TENM3: variants seen among roughly 807,000 people sequenced by gnomAD.
TENM3 encodes teneurin-3.
A neutral mutation model predicts 255.1 loss-of-function variants in TENM3; 63 were observed. That is an observed-to-expected ratio of 0.25 (90% CI 0.20 to 0.30). TENM3 has a LOEUF of 0.30. Ranked by LOEUF, TENM3 falls within the 10% of genes least tolerant of loss-of-function variation. The pLI is 1.00. For synonymous variants in TENM3, 1,306 were observed against 1,322.3 expected (o/e 0.99, Z 0.27); for missense variants, 2,929 against 3,461.1 (o/e 0.85, Z 3.86).
At chr4:181,642,576 T>C in the TENM3 span, among the ~76,000 whole-genome samples, 9 of 151,958 alleles carry the variant, frequency 5.9e-5, no homozygotes, top group African/African-American at 2.2e-4. Flanking sequence ...ATTGCCTAGG[T>C]TTTCTTCTAG....
chr4:181,868,378 A>G, the TENM3 span, among the ~76,000 whole-genome samples: 1 of 152,138 alleles, frequency 6.6e-6, no homozygotes, highest in African/African-American at 2.4e-5. Context: ...TGAAGGCCTT[A>G]AAAAAGACGA....
At chr4:182,357,288 G>A (rs374476369) in intron 3 of TENM3, among the ~76,000 whole-genome samples, 2,909 of 151,212 alleles carry the variant, frequency 0.019, 65 homozygotes, top group South Asian at 0.045. Flanking sequence ...CTGAGGAATC[G>A]CCACACTGAC....
chr4:181,679,953 G>T, the TENM3 span, among the ~76,000 whole-genome samples: 1 of 152,050 alleles, frequency 6.6e-6, no homozygotes, highest in East Asian at 1.9e-4. Flanking sequence ...GCTTGACTGA[G>T]ATGACAATTT....
At chr4:182,463,869 G>T (rs932306623) in intron 3 of TENM3, among the ~76,000 whole-genome samples, 1 of 151,818 alleles carries the variant, frequency 6.6e-6, no homozygotes. Context: ...TGATCCACCC[G>T]CCTCGGCCTC....
the TENM3 span, among the ~76,000 whole-genome samples, chr4:181,537,051 A>G: frequency 1.3e-5 from 2 of 152,162 alleles, no homozygotes; most frequent in Non-Finnish European, 2.9e-5. Context: ...TTTAAAGGTA[A>G]TAAAACTTTA....
intron 3 of TENM3, among the ~76,000 whole-genome samples, chr4:182,523,997 G>A (rs1271499664): frequency 1.3e-5 from 2 of 151,856 alleles, no homozygotes; most frequent in African/African-American, 4.8e-5. Context: ...AGAATTTTCC[G>A]TAGGAAAAAA....
chr4:182,495,965 C>G (rs375914127), intron 3 of TENM3, among the ~76,000 whole-genome samples: 4 of 152,222 alleles, frequency 2.6e-5, no homozygotes, highest in Non-Finnish European at 5.9e-5. Context: ...CTTATTTAGA[C>G]TGACCTTGGA....
chr4:182,790,389 T>G (rs1245854835), intron 25 of TENM3, among the ~76,000 whole-genome samples: 1 of 152,168 alleles, frequency 6.6e-6, no homozygotes, highest in African/African-American at 2.4e-5. Flanking sequence ...TCACACAATC[T>G]TGTTCTTTAC....
the TENM3 span, among the ~76,000 whole-genome samples, chr4:181,656,575 G>T: frequency 6.6e-6 from 1 of 152,134 alleles, no homozygotes; most frequent in Non-Finnish European, 1.5e-5. Flanking sequence ...TCTGAGTTCG[G>T]TTTTGAAAGG....
the TENM3 span, among the ~76,000 whole-genome samples, chr4:181,773,269 T>C: frequency 6.6e-6 from 1 of 152,180 alleles, no homozygotes; most frequent in African/African-American, 2.4e-5. Flanking sequence ...CTTTACTTTG[T>C]AGAGACCAAA....
chr4:182,680,406 T>A, intron 9 of TENM3, 57 bp downstream of exon 9: 1 of 1,260,524 alleles, frequency 7.9e-7, no homozygotes, highest in Non-Finnish European at 1.1e-6. Context: ...GAAACACAAG[T>A]GATTCCAAAA....
At chr4:182,027,002 T>C in the TENM3 span, among the ~76,000 whole-genome samples, 11 of 152,268 alleles carry the variant, frequency 7.2e-5, no homozygotes, top group East Asian at 2.1e-3. Flanking sequence ...GTGAAGAATG[T>C]CATTATTTTG....
At chr4:182,601,957 G>T (rs1379297627) in intron 4 of TENM3, among the ~76,000 whole-genome samples, 1 of 152,222 alleles carries the variant, frequency 6.6e-6, no homozygotes, top group East Asian at 1.9e-4. Flanking sequence ...TTTCATTAAG[G>T]TTCAAAGTTA....
the TENM3 span, among the ~76,000 whole-genome samples, chr4:182,070,652 CAT>C: frequency 6.6e-6 from 1 of 152,042 alleles, no homozygotes; most frequent in Non-Finnish European, 1.5e-5. Flanking sequence ...AGAAGAAAAA[CAT>C]AGAATGGGAG....
the TENM3 span, among the ~76,000 whole-genome samples, chr4:182,082,106 C>G: frequency 6.6e-6 from 1 of 152,276 alleles, no homozygotes; most frequent in South Asian, 2.1e-4. Flanking sequence ...CAACAAAATA[C>G]TACAAACTGG....
chr4:181,786,975 G>A, the TENM3 span, among the ~76,000 whole-genome samples: 4 of 152,220 alleles, frequency 2.6e-5, no homozygotes, highest in African/African-American at 9.6e-5. Flanking sequence ...ATTAAGGAAT[G>A]TTGGAACAAG....
rs543241290 is a variant in TENM3 at position 182,783,818 on chromosome 4, G to A, written c.5305-5275G>A. ...CATTTCATTCATTTCATCTTCCATC[G>A]CTGATACCCTTTCTTCCAGTTGATC... On this transcript the variant is annotated intron_variant, in intron 24 of 27. Coordinates refer to ENST00000511685, the MANE Select transcript of TENM3 (RefSeq NM_001080477.4). 3.3e-3 allele frequency among the ~76,000 whole-genome samples: 500 copies of A among 151,748 alleles called. 3 individuals carry two copies. The highest frequency in any genetic ancestry group is 0.011 in the African/African-American group (465 of 41,342).
At chr4:182,506,072 A>G (rs1292053416) in intron 3 of TENM3, among the ~76,000 whole-genome samples, 1 of 152,216 alleles carries the variant, frequency 6.6e-6, no homozygotes, top group Non-Finnish European at 1.5e-5. Context: ...GTGGTCTAGA[A>G]GGAGGCACAA....
the TENM3 span, among the ~76,000 whole-genome samples, chr4:181,456,125 A>ATGTGTGTGTGTG: frequency 0.017 from 1,078 of 62,314 alleles, 14 homozygotes; most frequent in African/African-American, 0.049. Flanking sequence ...ATATATATAT[A>ATGTGTGTGTGTG]TATGTGTGTG....
Sources: gnomAD v4.1 joint callset for allele counts (sites outside exome capture counted in the v4.1 genomes callset) on GRCh38, gnomAD v4.1.1 for gene constraint, MANE v1.5 for transcripts, NCBI Gene and HGNC (gene_info 2026-07-23, HGNC 2026-07-21) for gene names.